Variants in CLASP2 observed in about 807,000 individuals in gnomAD.
CLASP2 encodes cytoplasmic linker associated protein 2.
In CLASP2, 47 loss-of-function variants were observed where a neutral mutation model predicts 194.4. The ratio of observed to expected loss-of-function variants is 0.24; its 90% CI spans 0.19 to 0.31. The LOEUF (loss-of-function observed/expected upper bound fraction) is 0.31, where lower values mean the gene tolerates loss of function less well. Ranked by LOEUF, CLASP2 falls within the 10% of genes least tolerant of loss-of-function variation. The probability of loss-of-function intolerance (pLI) is 1.00; values close to 1 mark genes in which losing one functional copy is unlikely to be tolerated. For synonymous variants in CLASP2, 619 were observed against 633.5 expected (o/e 0.98, Z 0.34); for missense variants, 1,445 against 1,823.6 (o/e 0.79, Z 3.78).
At chr3:33,677,169 A>G (rs2088842207) in intron 6 of CLASP2, among the ~76,000 whole-genome samples, 5 of 151,736 alleles carry the variant, frequency 3.3e-5, no homozygotes, top group African/African-American at 1.2e-4. Flanking sequence ...ATCTACAACT[A>G]GAAATACCAT....
chr3:33,562,972 T>C (rs941609128), intron 27 of CLASP2, among the ~76,000 whole-genome samples: 3 of 152,192 alleles, frequency 2.0e-5, no homozygotes, highest in Non-Finnish European at 4.4e-5. Flanking sequence ...CATTGACTCT[T>C]CCCTCAATTT....
rs1343723906 is a variant in CLASP2 at position 33,619,752 on chromosome 3, CAA to C, written c.1182-16_1182-15del. 6.4e-7 allele frequency: 1 copy of C among 1,557,582 alleles called. No individual in the cohort carries two copies. Among genetic ancestry groups the C allele is most frequent in the African/African-American group, 1.4e-5 (1 of 72,230 alleles). On this transcript the variant is annotated splice_polypyrimidine_tract_variant and intron_variant, in intron 11 of 38. Coordinates refer to ENST00000682230, the MANE Select transcript of CLASP2 (RefSeq NM_001365631.1). Reference sequence around the variant, plus strand: ...GTTGAAAGGTGGCTACAAAGGAAGACAAAAAGTATTTTTTAATAGTTTAACAT... The same window carrying C: ...GTTGAAAGGTGGCTACAAAGGAAGACAAAGTATTTTTTAATAGTTTAACAT...
At chr3:33,585,352 G>C (rs988457098) in intron 21 of CLASP2, among the ~76,000 whole-genome samples, 3 of 152,134 alleles carry the variant, frequency 2.0e-5, no homozygotes, top group Non-Finnish European at 4.4e-5. Flanking sequence ...GTTGTTGGGT[G>C]ATTTTATCAT....
At chr3:33,693,170 T>A (rs1333734929) in intron 2 of CLASP2, among the ~76,000 whole-genome samples, 1 of 152,020 alleles carries the variant, frequency 6.6e-6, no homozygotes, top group African/African-American at 2.4e-5. Flanking sequence ...TTTCTATTAT[T>A]AATACTATGT....
intron 8 of CLASP2, 102 bp downstream of exon 8, chr3:33,644,655 G>T: frequency 8.1e-7 from 1 of 1,238,334 alleles, no homozygotes; most frequent in Non-Finnish European, 1.2e-6. Flanking sequence ...CTGCAATCGT[G>T]CTGCAGTCAT....
chr3:33,622,321 G>A, intron 10 of CLASP2, 41 bp from the exon 11 acceptor site: 6 of 1,400,664 alleles, frequency 4.3e-6, no homozygotes, highest in Non-Finnish European at 5.6e-6. Context: ...AAAGGTGGAA[G>A]TGCAAAAAAA....
chr3:33,622,161 C>T lies in CLASP2; in HGVS notation c.1155G>A (p.Val385=), dbSNP rs760961287. ...CTACAGTAATACAAGCTTCTCTAAC[C>T]ACCTGGGATCTAAGATCCTTAGCTG... The part of the protein sequence containing the change: ...KLSAKDLRSQ[V]VREACITVAH... The change falls in exon 11 of 39, where the codon GTG becomes GTA. Residue 385 remains valine, a synonymous_variant. Coordinates refer to ENST00000682230, the MANE Select transcript of CLASP2 (RefSeq NM_001365631.1). 4 of 1,592,440 alleles carry T rather than the reference C, an allele frequency of 2.5e-6. No individual in the cohort carries two copies. The highest frequency in any genetic ancestry group is 1.8e-5 in the Admixed American group (1 of 55,578).
intron 6 of CLASP2, among the ~76,000 whole-genome samples, chr3:33,665,379 G>C (rs2086010891): frequency 6.6e-6 from 1 of 152,024 alleles, no homozygotes; most frequent in African/African-American, 2.4e-5. Context: ...AGAGAGGAGG[G>C]GAGGGGAAAA....
At position 33,622,117 on chromosome 3, in the gene CLASP2, T is replaced by C; in HGVS notation, c.1181+18A>G. 1 of 1,518,426 alleles carries C rather than the reference T, an allele frequency of 6.6e-7. No individual in the cohort carries two copies. The highest frequency in any genetic ancestry group is 8.8e-7 in the Non-Finnish European group (1 of 1,130,626). The allele number at this position is 1,518,426 out of a possible 1,614,324, so 94.1% of individuals were successfully genotyped here. On this transcript the variant is annotated intron_variant, in intron 11 of 38. Coordinates refer to ENST00000682230, the MANE Select transcript of CLASP2 (RefSeq NM_001365631.1). ...ATTCATTCATAAAAAACACTTATCA[T>C]AAAAGGAATATACTTACGCTACAGT...
intron 35 of CLASP2, 26 bp from the exon 36 acceptor site, chr3:33,516,177 T>A (rs772890371): frequency 1.3e-6 from 2 of 1,571,984 alleles, no homozygotes; most frequent in South Asian, 2.4e-5. Context: ...TAAATGTTTT[T>A]AATATTTTGG....
intron 10 of CLASP2, 105 bp from the exon 11 acceptor site, chr3:33,622,385 T>C: frequency 1.2e-6 from 1 of 812,712 alleles, no homozygotes; most frequent in Non-Finnish European, 1.7e-6. Flanking sequence ...AAATGAAACA[T>C]ATATAATGTT....
At chr3:33,636,782 G>C (rs1009573270) in intron 8 of CLASP2, among the ~76,000 whole-genome samples, 2 of 152,142 alleles carry the variant, frequency 1.3e-5, no homozygotes, top group African/African-American at 4.8e-5. Flanking sequence ...TGTATTTTTA[G>C]TGGAGACAGG....
chr3:33,517,237 TAAC>T, intron 34 of CLASP2, 63 bp from the exon 35 acceptor site: 1 of 1,265,736 alleles, frequency 7.9e-7, no homozygotes, highest in Non-Finnish European at 1.1e-6. Context: ...AGTATGGGGA[TAAC>T]AACTTTATAT....
Position 33,581,708 on chromosome 3 carries a change from G to A in CLASP2, c.2347+113C>T, listed in dbSNP as rs967771613. 5.6e-5 allele frequency: 38 copies of A among 679,510 alleles called. No homozygotes were observed. The African/African-American group carries it at 5.8e-4, about 10-fold the overall frequency. The allele number at this position is 679,510 out of a possible 1,614,324, so 42.1% of individuals were successfully genotyped here. A position where few individuals can be genotyped will look rare whatever the true frequency, so the allele number is the denominator to read the frequency against. On this transcript the variant is annotated intron_variant, in intron 23 of 38. Coordinates refer to ENST00000682230, the MANE Select transcript of CLASP2 (RefSeq NM_001365631.1). ...CTTTCCTCAAAATGACAGAAAAGGG[G>A]TAGAGAGAAAGATCTGTCGACAAAG...
intron 27 of CLASP2, among the ~76,000 whole-genome samples, chr3:33,564,594 TTTG>T (rs1258433172): frequency 6.6e-6 from 1 of 152,114 alleles, no homozygotes; most frequent in African/African-American, 2.4e-5. Context: ...TTTTAAAAAT[TTTG>T]TTATCACTTT....
intron 21 of CLASP2, among the ~76,000 whole-genome samples, chr3:33,591,384 G>A (rs1228915943): frequency 6.6e-6 from 1 of 152,188 alleles, no homozygotes; most frequent in Non-Finnish European, 1.5e-5. Flanking sequence ...AGGCCGAGGT[G>A]GGAGGATTGC....
chr3:33,511,476 T>C (rs908886896), intron 36 of CLASP2, among the ~76,000 whole-genome samples: 1 of 152,176 alleles, frequency 6.6e-6, no homozygotes, highest in Non-Finnish European at 1.5e-5. Flanking sequence ...CTCTCATCTC[T>C]AGGAGTCCTT....
intron 6 of CLASP2, 82 bp downstream of exon 6, chr3:33,684,277 A>G (rs2090305227): frequency 1.4e-6 from 1 of 709,398 alleles, no homozygotes; most frequent in Admixed American, 2.9e-5. Context: ...AATAAAAAAT[A>G]CATTGAAATA....
intron 1 of CLASP2, among the ~76,000 whole-genome samples, chr3:33,699,102 G>A (rs147948575): frequency 5.3e-5 from 8 of 152,216 alleles, no homozygotes; most frequent in African/African-American, 1.9e-4. Context: ...TGCCTTTGAT[G>A]GGTTCATCAA....
Sources: gnomAD v4.1 joint callset for allele counts (sites outside exome capture counted in the v4.1 genomes callset) on GRCh38, gnomAD v4.1.1 for gene constraint, MANE v1.5 for transcripts, NCBI Gene and HGNC (gene_info 2026-07-23, HGNC 2026-07-21) for gene names.